Variants in CCBE1 observed in about 807,000 individuals in gnomAD.
CCBE1 encodes collagen and calcium-binding EGF domain-containing protein 1.
In CCBE1, 37 loss-of-function variants were observed where a neutral mutation model predicts 50.0. The observed-to-expected ratio is 0.74, with a 90% CI of 0.57 to 0.97. CCBE1 has a LOEUF of 0.97. CCBE1 is among the 50% of genes least tolerant of loss of function. CCBE1 has a pLI of 0.00. For synonymous variants in CCBE1, 234 were observed against 203.7 expected (o/e 1.15, Z -1.27); for missense variants, 538 against 523.8 (o/e 1.03, Z -0.26).
intron 2 of CCBE1, among the ~76,000 whole-genome samples, chr18:59,582,722 C>CT (rs1436990893): frequency 6.6e-6 from 1 of 152,128 alleles, no homozygotes; most frequent in African/African-American, 2.4e-5. Flanking sequence ...CTCCCAAACT[C>CT]TTTTTTTAAC....
In CCBE1 at chr18:59,691,694, G is replaced by A. The variant is rs557529407; in HGVS notation, c.212+4935C>T. Among the ~76,000 whole-genome samples the A allele has an allele frequency of 8.5e-4, 130 of 152,240 alleles. 1 individual carries two copies. Among genetic ancestry groups the A allele is most frequent in the African/African-American group, 2.5e-3 (105 of 41,542 alleles). Reference sequence around the variant, plus strand: ...GCTGGGATTACAGGCGTGAGCCACCGCGCCCAGCTAGAGTTCTTCACAACT... The same window carrying A: ...GCTGGGATTACAGGCGTGAGCCACCACGCCCAGCTAGAGTTCTTCACAACT... On this transcript the variant is annotated intron_variant, in intron 2 of 10. Coordinates refer to ENST00000439986, the MANE Select transcript of CCBE1 (RefSeq NM_133459.4).
intron 10 of CCBE1, among the ~76,000 whole-genome samples, chr18:59,437,389 T>C (rs1182854380): frequency 2.6e-5 from 4 of 152,160 alleles, no homozygotes; most frequent in East Asian, 3.9e-4. Flanking sequence ...ACTTCAGGGA[T>C]GGCAGGTCAG....
intron 7 of CCBE1, among the ~76,000 whole-genome samples, chr18:59,446,631 TG>T (rs1910683571): frequency 6.6e-6 from 1 of 152,210 alleles, no homozygotes; most frequent in Admixed American, 6.5e-5. Flanking sequence ...TCTGAGCTTT[TG>T]TTCTTGCTGA....
Position 59,451,820 on chromosome 18 carries a change from A to G in CCBE1, c.654+3031T>C, listed in dbSNP as rs536854036. On this transcript the variant is annotated intron_variant, in intron 6 of 10. Transcript: ENST00000439986. The stretch of plus-strand genomic sequence containing the variant: ...TACCCCAGAAATTAAAAATAAAAAA[A>G]GTAAGCACCCTTTTAAAGAACTCCC... Among the ~76,000 whole-genome samples the G allele has an allele frequency of 7.2e-5, 11 of 152,296 alleles. No homozygotes were observed. In the South Asian group the frequency reaches 1.0e-3, roughly 14 times the overall value.
chr18:59,671,512 A>G (rs925772944), intron 2 of CCBE1, among the ~76,000 whole-genome samples: 2 of 151,912 alleles, frequency 1.3e-5, no homozygotes, highest in African/African-American at 4.8e-5. Context: ...AAAAAAAAAA[A>G]AAAAGTAAGA....
At chr18:59,520,183 A>G (rs767458631) in intron 2 of CCBE1, among the ~76,000 whole-genome samples, 1 of 152,160 alleles carries the variant, frequency 6.6e-6, no homozygotes, top group Non-Finnish European at 1.5e-5. Flanking sequence ...TATGAAATTT[A>G]AAGTAGTTTT....
In CCBE1 at chr18:59,440,871, G is replaced by A. The variant is rs892818951; in HGVS notation, c.776-1055C>T. ...GGAGTAAGTAATAGCAATCTACAGT[G>A]TGGGGAGAGAACCCCTCTGTGGCAC... On this transcript the variant is annotated intron_variant, in intron 7 of 10. Coordinates refer to ENST00000439986, the MANE Select transcript of CCBE1 (RefSeq NM_133459.4). 2.0e-5 allele frequency among the ~76,000 whole-genome samples: 3 copies of A among 152,170 alleles called. No individual in the cohort carries two copies. The East Asian group carries it at 5.8e-4, about 29-fold the overall frequency.
chr18:59,644,773 C>G (rs1344122053), intron 2 of CCBE1, among the ~76,000 whole-genome samples: 1 of 152,172 alleles, frequency 6.6e-6, no homozygotes. Flanking sequence ...GACAGAAACT[C>G]TACCCACAAT....
At chr18:59,604,441 A>T (rs1332341147) in intron 2 of CCBE1, among the ~76,000 whole-genome samples, 1 of 152,228 alleles carries the variant, frequency 6.6e-6, no homozygotes, top group Non-Finnish European at 1.5e-5. Context: ...TATCCAGGAA[A>T]AAAAAGCAGA....
chr18:59,638,349 A>T (rs2053942234), intron 2 of CCBE1, among the ~76,000 whole-genome samples: 2 of 152,228 alleles, frequency 1.3e-5, no homozygotes, highest in Non-Finnish European at 2.9e-5. Context: ...TCAGCACAAG[A>T]TAAGGATATC....
intron 2 of CCBE1, among the ~76,000 whole-genome samples, chr18:59,621,569 A>G (rs1459031624): frequency 6.6e-6 from 1 of 152,210 alleles, no homozygotes; most frequent in Non-Finnish European, 1.5e-5. Context: ...TACATGGGCT[A>G]TAACTGAATC....
At chr18:59,561,451 A>T (rs370318358) in intron 2 of CCBE1, among the ~76,000 whole-genome samples, 1 of 152,240 alleles carries the variant, frequency 6.6e-6, no homozygotes, top group South Asian at 2.1e-4. Flanking sequence ...AGACCGAGGC[A>T]GACATCCGGC....
In CCBE1 at chr18:59,467,065, C is replaced by A. The variant is rs600795; in HGVS notation, c.401-174G>T. Among the ~76,000 whole-genome samples, 52,583 of 152,200 alleles carry A rather than the reference C, an allele frequency of 0.35. 10,430 individuals carry two copies. Among genetic ancestry groups the A allele is most frequent in the East Asian group, 0.89 (4,613 of 5,178 alleles). The stretch of plus-strand genomic sequence containing the variant: ...TAGAAATGTGGGTCATCCATAAAAA[C>A]AGCACTTTTGGCCAAGTGGCCATTG... On this transcript the variant is annotated intron_variant, in intron 4 of 10. Coordinates refer to ENST00000439986, the MANE Select transcript of CCBE1 (RefSeq NM_133459.4).
chr18:59,518,023 G>A (rs1213597323), intron 2 of CCBE1, among the ~76,000 whole-genome samples: 1 of 152,168 alleles, frequency 6.6e-6, no homozygotes, highest in Admixed American at 6.5e-5. Flanking sequence ...TGGGGGCGGA[G>A]GAAACTTGCA....
chr18:59,462,812 C>T (rs1568152405), intron 5 of CCBE1, among the ~76,000 whole-genome samples: 2 of 152,316 alleles, frequency 1.3e-5, no homozygotes, highest in South Asian at 2.1e-4. Flanking sequence ...GAAAGATATG[C>T]TTATTGACAG....
At chr18:59,480,765 A>T (rs533545500) in intron 2 of CCBE1, among the ~76,000 whole-genome samples, 17 of 142,056 alleles carry the variant, frequency 1.2e-4, no homozygotes, top group African/African-American at 4.0e-4. Context: ...TTTTTTTTTT[A>T]AAACACTTGT....
chr18:59,631,784 T>C (rs1286646005), intron 2 of CCBE1, among the ~76,000 whole-genome samples: 1 of 152,194 alleles, frequency 6.6e-6, no homozygotes, highest in Non-Finnish European at 1.5e-5. Context: ...CAGCTCTGCA[T>C]CAGGGAGGTA....
Position 59,596,462 on chromosome 18 carries a change from G to T in CCBE1, c.212+100167C>A, listed in dbSNP as rs147989884. 2.2e-3 allele frequency among the ~76,000 whole-genome samples: 335 copies of T among 152,278 alleles called. 6 individuals carry two copies. The East Asian group carries it at 0.032, about 15-fold the overall frequency. On this transcript the variant is annotated intron_variant, in intron 2 of 10. Transcript: ENST00000439986. ...TAGATCATTTAGTAGTATTTAAGAT[G>T]AAAGAATATGGTATTTCAGAAGCAT... is the stretch of plus-strand genomic sequence containing the variant.
At chr18:59,497,744 G>A (rs1913422417) in intron 2 of CCBE1, among the ~76,000 whole-genome samples, 1 of 152,156 alleles carries the variant, frequency 6.6e-6, no homozygotes, top group South Asian at 2.1e-4. Context: ...CCCTTCCTAA[G>A]GAAAACTGCC....
Sources: gnomAD v4.1 joint callset for allele counts (sites outside exome capture counted in the v4.1 genomes callset) on GRCh38, gnomAD v4.1.1 for gene constraint, MANE v1.5 for transcripts, NCBI Gene and HGNC (gene_info 2026-07-23, HGNC 2026-07-21) for gene names.